CDKL4: variants seen among roughly 807,000 people sequenced by gnomAD.
The protein encoded by CDKL4 is cyclin-dependent kinase-like 4.
A neutral mutation model predicts 42.0 loss-of-function variants in CDKL4; 44 were observed. The ratio of observed to expected loss-of-function variants is 1.05; its 90% CI spans 0.82 to 1.35. The LOEUF is 1.35. Among genes scored for constraint, CDKL4 ranks in the 40% most tolerant of loss-of-function variants. The probability of loss-of-function intolerance (pLI) is 0.00; values close to 1 mark genes in which losing one functional copy is unlikely to be tolerated. For synonymous variants in CDKL4, 120 were observed against 121.6 expected (o/e 0.99, Z 0.09); for missense variants, 393 against 369.9 (o/e 1.06, Z -0.51).
intron 1 of CDKL4, among the ~76,000 whole-genome samples, chr2:39,238,295 T>C (rs1271024935): frequency 6.6e-6 from 1 of 152,146 alleles, no homozygotes; most frequent in Non-Finnish European, 1.5e-5. Flanking sequence ...AGCCAGGGTC[T>C]AGTGGCCCTC....
At chr2:39,221,020 T>TTTTGTC (rs1678323882) in intron 3 of CDKL4, among the ~76,000 whole-genome samples, 1 of 135,344 alleles carries the variant, frequency 7.4e-6, no homozygotes, top group African/African-American at 2.9e-5. Flanking sequence ...TTTGTTTTGT[T>TTTTGTC]TTTGTTTTTT....
exon 10 of CDKL4, chr2:39,175,998 A>C: frequency 2.1e-6 from 1 of 469,972 alleles, no homozygotes; most frequent in Non-Finnish European, 4.4e-6. Context: ...CATTTTCCTA[A>C]ATGTTTGGAA....
intron 9 of CDKL4, 176 bp downstream of exon 9, chr2:39,179,011 T>G (rs1675286953): frequency 1.4e-6 from 2 of 1,455,512 alleles, no homozygotes; most frequent in Non-Finnish European, 1.8e-6. Context: ...CTTGATATTT[T>G]CATAGTTCTA....
At chr2:39,225,175 G>T (rs960735567) in intron 3 of CDKL4, among the ~76,000 whole-genome samples, 1 of 152,088 alleles carries the variant, frequency 6.6e-6, no homozygotes, top group African/African-American at 2.4e-5. Context: ...GCCGAGGCAG[G>T]TGGATCATGA....
chr2:39,197,036 G>A (rs1676560992), intron 5 of CDKL4, among the ~76,000 whole-genome samples: 1 of 152,154 alleles, frequency 6.6e-6, no homozygotes, highest in Non-Finnish European at 1.5e-5. Flanking sequence ...AATCAAGGAG[G>A]CACCAGAGAA....
intron 1 of CDKL4, among the ~76,000 whole-genome samples, chr2:39,237,637 C>A (rs1439948187): frequency 6.6e-6 from 1 of 152,160 alleles, no homozygotes; most frequent in Non-Finnish European, 1.5e-5. Context: ...GGGAGGATTG[C>A]TTGAGGCCAA....
intron 4 of CDKL4, among the ~76,000 whole-genome samples, chr2:39,206,310 G>C (rs1162472913): frequency 2.0e-5 from 3 of 152,144 alleles, no homozygotes; most frequent in Non-Finnish European, 4.4e-5. Flanking sequence ...TTGAATTACT[G>C]AGCTCAAGTG....
intron 7 of CDKL4, among the ~76,000 whole-genome samples, chr2:39,186,834 C>A (rs988025204): frequency 6.6e-6 from 1 of 151,664 alleles, no homozygotes; most frequent in Non-Finnish European, 1.5e-5. Flanking sequence ...AGGCTTTGAC[C>A]AATGGATTAA....
chr2:39,220,988 T>TG (rs1558575840), intron 3 of CDKL4, among the ~76,000 whole-genome samples: 3 of 44,330 alleles, frequency 6.8e-5, no homozygotes, highest in African/African-American at 1.2e-4. Flanking sequence ...TTTTTTTTTT[T>TG]TTTTTTTTTT....
chr2:39,217,690 A>G (rs1369734869), intron 3 of CDKL4, among the ~76,000 whole-genome samples: 1 of 151,736 alleles, frequency 6.6e-6, no homozygotes, highest in Non-Finnish European at 1.5e-5. Context: ...TGAACATGCC[A>G]GGCTTATTTT....
chr2:39,218,646 G>A (rs1052006346), intron 3 of CDKL4, among the ~76,000 whole-genome samples: 1 of 152,182 alleles, frequency 6.6e-6, no homozygotes, highest in Non-Finnish European at 1.5e-5. Context: ...ACCCGTTGAA[G>A]GCCTGGATAC....
At chr2:39,237,129 CT>C (rs1679417616) in intron 1 of CDKL4, among the ~76,000 whole-genome samples, 1 of 152,160 alleles carries the variant, frequency 6.6e-6, no homozygotes, top group Non-Finnish European at 1.5e-5. Context: ...ACAGATTATT[CT>C]CATGAATGTA....
chr2:39,215,087 A>T (rs1471410989), intron 3 of CDKL4, among the ~76,000 whole-genome samples: 1 of 152,150 alleles, frequency 6.6e-6, no homozygotes, highest in African/African-American at 2.4e-5. Context: ...GGAAGGTTAT[A>T]CCCATTTTCA....
intron 9 of CDKL4, chr2:39,178,458 G>T: frequency 2.1e-6 from 2 of 966,890 alleles, no homozygotes; most frequent in Non-Finnish European, 3.1e-6. Context: ...TAATATTAGG[G>T]ACCTTCTCTG....
At position 39,179,179 on chromosome 2, in the gene CDKL4, G is replaced by A. The variant is rs143704348; in HGVS notation, c.927+8C>T. ...TTTTATAGCACTTTAACTTTTGAGCGGAAGTACCTGTTGGCGTCTTCTGTT... is the reference window on the plus strand; with the variant it reads ...TTTTATAGCACTTTAACTTTTGAGCAGAAGTACCTGTTGGCGTCTTCTGTT... On this transcript the variant is annotated splice_region_variant and intron_variant, in intron 9 of 9. Transcript: ENST00000451199. The A allele has an allele frequency of 8.5e-4, 1,349 of 1,588,626 alleles. 19 individuals carry two copies. In the East Asian group the frequency reaches 0.025, roughly 29 times the overall value.
rs181972150 is a variant in CDKL4 at position 39,198,581 on chromosome 2, T to C, written c.454+5946A>G. 4.1e-3 allele frequency among the ~76,000 whole-genome samples: 625 copies of C among 152,172 alleles called. 7 individuals carry two copies. Among genetic ancestry groups the C allele is most frequent in the African/African-American group, 0.014 (589 of 41,550 alleles). ...ATGGAACATCTGCCAAGATAGACCA[T>C]ATAATAGGCCACAAAATAAAAAAAT... On this transcript the variant is annotated intron_variant, in intron 5 of 9. Coordinates refer to ENST00000451199, the Ensembl canonical transcript of CDKL4.
At chr2:39,239,283 T>C (rs1679528158) in intron 1 of CDKL4, among the ~76,000 whole-genome samples, 1 of 151,870 alleles carries the variant, frequency 6.6e-6, no homozygotes, top group African/African-American at 2.4e-5. Context: ...AAAATCTTTG[T>C]GACTTTCAGT....
intron 2 of CDKL4, among the ~76,000 whole-genome samples, chr2:39,227,074 T>C (rs1169649467): frequency 2.0e-5 from 3 of 151,762 alleles, no homozygotes; most frequent in African/African-American, 4.8e-5. Context: ...GCGTGAGCCA[T>C]TGGGCCTGGC....
intron 1 of CDKL4, among the ~76,000 whole-genome samples, chr2:39,241,847 G>A (rs1048324206): frequency 2.0e-5 from 3 of 151,972 alleles, no homozygotes; most frequent in African/African-American, 7.3e-5. Flanking sequence ...GTGGACCTCC[G>A]CTGTGGCCCT....
Sources: allele counts gnomAD v4.1 joint callset (sites outside exome capture counted in the v4.1 genomes callset), GRCh38; gene constraint gnomAD v4.1.1; transcripts MANE v1.5; gene names NCBI Gene and HGNC (gene_info 2026-07-23, HGNC 2026-07-21).